The following NSD1 variants were observed in gnomAD, a reference collection of about 807,000 sequenced individuals.
NSD1 encodes nuclear receptor binding SET domain protein 1.
NSD1 carries 26 observed loss-of-function variants against 242.7 expected under a neutral mutation model. The observed-to-expected ratio is 0.11, with a 90% CI of 0.08 to 0.15. The LOEUF is 0.15. NSD1 is among the 10% of genes least tolerant of loss of function. NSD1 has a pLI of 1.00. For missense variants in NSD1, 2,495 were observed against 3,272.8 expected, an observed-to-expected ratio of 0.76 and a Z score of 5.80; for synonymous variants, 1,106 against 1,178.1, an observed-to-expected ratio of 0.94 and a Z score of 1.25.
chr5:177,217,913 C>T (rs113346075), intron 5 of NSD1, among the ~76,000 whole-genome samples: 6 of 151,654 alleles, frequency 4.0e-5, no homozygotes, highest in African/African-American at 1.5e-4. Context: ...TGTGATCTGC[C>T]CACCTCGGCC....
intron 13 of NSD1, 32 bp from the exon 14 acceptor site, chr5:177,259,957 T>C (rs1288816380): frequency 6.2e-7 from 1 of 1,613,666 alleles, no homozygotes; most frequent in Non-Finnish European, 8.5e-7. Flanking sequence ...TTTTTGTTTT[T>C]CTTTTGCTTG....
In NSD1 at chr5:177,296,972, C is replaced by T. The variant is rs1411971970; in HGVS notation, c.*1513C>T. 2.1e-5 allele frequency: 5 copies of T among 233,236 alleles called. No homozygotes were observed. Among genetic ancestry groups the T allele is most frequent in the Non-Finnish European group, 3.4e-5 (4 of 118,074 alleles). 14.4% of individuals were successfully genotyped at this position (233,236 alleles called of 1,614,324 possible). A position where few individuals can be genotyped will look rare whatever the true frequency, so the allele number is the denominator to read the frequency against. On this transcript the variant is annotated 3_prime_UTR_variant, in exon 23 of 23. Transcript: ENST00000439151. ...TTATCTCTTAGTTATGGCTTTCACG[C>T]TCTCAATAGGATTCTGTATTTGGTC... is the stretch of plus-strand genomic sequence containing the variant.
rs35298464 is a variant in NSD1, at chr5:177,182,151, C to CA, written c.928-9717dup. 5.8e-3 allele frequency among the ~76,000 whole-genome samples: 693 copies of CA among 119,376 alleles called. 4 individuals are homozygous for CA. Among genetic ancestry groups the CA allele is most frequent in the East Asian group, 0.032 (143 of 4,530 alleles). The allele number at this position is 119,376 out of a possible 152,430, so 78.3% of individuals were successfully genotyped here. A position where few individuals can be genotyped will look rare whatever the true frequency, so the allele number is the denominator to read the frequency against. On this transcript the variant is annotated intron_variant, in intron 2 of 22. Transcript: ENST00000439151. ...TGGGTGACAGAGTGAGACTCCGTCTCAAAAAAAAAAAAAAAATTAGCTGGT... is the reference window on the plus strand; with the variant it reads ...TGGGTGACAGAGTGAGACTCCGTCTCAAAAAAAAAAAAAAAAATTAGCTGGT...
At chr5:177,216,787 G>T (rs1353185721) in intron 5 of NSD1, among the ~76,000 whole-genome samples, 2 of 150,996 alleles carry the variant, frequency 1.3e-5, no homozygotes, top group Non-Finnish European at 2.9e-5. Flanking sequence ...CTCCCAAAAA[G>T]CGGGGATTAC....
chr5:177,288,053 A>T (rs1432943569), intron 20 of NSD1, among the ~76,000 whole-genome samples: 1 of 152,238 alleles, frequency 6.6e-6, no homozygotes, highest in African/African-American at 2.4e-5. Flanking sequence ...CAACCTCTTC[A>T]CATATTTATG....
intron 2 of NSD1, among the ~76,000 whole-genome samples, chr5:177,145,353 A>G (rs986933148): frequency 1.4e-5 from 2 of 147,174 alleles, no homozygotes; most frequent in Non-Finnish European, 3.0e-5. Context: ...ATCACAACTC[A>G]CTGCAGTTTA....
rs938323609 is a variant in NSD1, at chr5:177,299,517, C to G, written c.*4058C>G. 8.6e-6 allele frequency: 2 copies of G among 233,248 alleles called. No individual in the cohort carries two copies. The highest frequency in any genetic ancestry group is 1.1e-4 in the Admixed American group (2 of 17,782). The allele number at this position is 233,248 out of a possible 1,614,324, so 14.4% of individuals were successfully genotyped here. A position where few individuals can be genotyped will look rare whatever the true frequency, so the allele number is the denominator to read the frequency against. Reference sequence around the variant, plus strand: ...GCTCTGGTTGTTGGGTCTTCCTCAGCTCCCTTCTGCCCCTCTCTACCTCTT... The same window carrying G: ...GCTCTGGTTGTTGGGTCTTCCTCAGGTCCCTTCTGCCCCTCTCTACCTCTT... On this transcript the variant is annotated 3_prime_UTR_variant, in exon 23 of 23. Transcript: ENST00000439151.
intron 12 of NSD1, among the ~76,000 whole-genome samples, chr5:177,253,948 T>C (rs1581449090): frequency 6.6e-6 from 1 of 152,288 alleles, no homozygotes; most frequent in Non-Finnish European, 1.5e-5. Context: ...CATTTTCTTT[T>C]TTCGGTTTTT....
rs1236930390 is a variant in NSD1, at chr5:177,185,910, T to TTATATATATTTATATATATAAA, written c.928-5971_928-5950dup. ...TAATATATTTATATATTTTATATAATTATATATATTTATATATATAAATAA... is the reference window on the plus strand; with the variant it reads ...TAATATATTTATATATTTTATATAATTATATATATTTATATATATAAATATATATATTTATATATATAAATAA... On this transcript the variant is annotated intron_variant, in intron 2 of 22. Transcript: ENST00000439151. Among the ~76,000 whole-genome samples, 462 of 75,556 alleles carry TTATATATATTTATATATATAAA rather than the reference T, an allele frequency of 6.1e-3. 3 individuals are homozygous for TTATATATATTTATATATATAAA. Among genetic ancestry groups the TTATATATATTTATATATATAAA allele is most frequent in the African/African-American group, 0.029 (431 of 14,702 alleles). 49.6% of individuals were successfully genotyped at this position (75,556 alleles called of 152,430 possible).
intron 4 of NSD1, among the ~76,000 whole-genome samples, chr5:177,206,925 T>C (rs563305758): frequency 2.0e-5 from 3 of 151,862 alleles, no homozygotes; most frequent in Non-Finnish European, 4.4e-5. Flanking sequence ...GCTACTCCTC[T>C]AGTTACCCTA....
intron 2 of NSD1, among the ~76,000 whole-genome samples, chr5:177,163,491 G>A (rs577166260): frequency 1.4e-4 from 21 of 152,114 alleles, no homozygotes; most frequent in Non-Finnish European, 2.8e-4. Context: ...AAGAATGTAG[G>A]CTTTGGAGTT....
intron 5 of NSD1, among the ~76,000 whole-genome samples, chr5:177,218,290 T>A (rs1385958587): frequency 6.6e-6 from 1 of 152,110 alleles, no homozygotes; most frequent in Non-Finnish European, 1.5e-5. Flanking sequence ...TCAAGCAGTC[T>A]TCCCACCTTG....
chr5:177,189,968 A>AT (rs1353282938), intron 2 of NSD1, among the ~76,000 whole-genome samples: 59 of 152,008 alleles, frequency 3.9e-4, no homozygotes, highest in Admixed American at 1.2e-3. Context: ...GGTCCCTTAG[A>AT]TTTTTTTAAA....
At chr5:177,139,309 CA>C (rs1032461836) in intron 2 of NSD1, among the ~76,000 whole-genome samples, 3 of 148,192 alleles carry the variant, frequency 2.0e-5, no homozygotes. Context: ...ACTAAAAATA[CA>C]AAAATTAGCT....
intron 3 of NSD1, among the ~76,000 whole-genome samples, chr5:177,197,346 G>C (rs1762177839): frequency 6.6e-6 from 1 of 152,144 alleles, no homozygotes; most frequent in Non-Finnish European, 1.5e-5. Context: ...AAACAGGGCG[G>C]GTGCAGTGGC....
At chr5:177,156,653 T>G (rs1434337846) in intron 2 of NSD1, among the ~76,000 whole-genome samples, 2 of 152,166 alleles carry the variant, frequency 1.3e-5, no homozygotes, top group African/African-American at 2.4e-5. Context: ...CCCCTCTTCA[T>G]GAAAAACAAT....
chr5:177,144,653 C>G (rs533907892), intron 2 of NSD1, among the ~76,000 whole-genome samples: 1 of 152,008 alleles, frequency 6.6e-6, no homozygotes, highest in African/African-American at 2.4e-5. Context: ...TTCAGGGGAG[C>G]CCATTGAAAG....
chr5:177,259,841 C>T (rs1562269106), intron 13 of NSD1, 148 bp from the exon 14 acceptor site: 5 of 826,200 alleles, frequency 6.1e-6, no homozygotes, highest in Non-Finnish European at 9.6e-6. Flanking sequence ...CTTGATGGAT[C>T]GAGTGTTTAA....
At chr5:177,286,610 T>C (rs1278597023) in intron 20 of NSD1, among the ~76,000 whole-genome samples, 1 of 152,240 alleles carries the variant, frequency 6.6e-6, no homozygotes, top group Non-Finnish European at 1.5e-5. Flanking sequence ...CACACCTCTC[T>C]CATTCTTTTC....
Sources: gnomAD v4.1 joint callset for allele counts (sites outside exome capture counted in the v4.1 genomes callset) on GRCh38, gnomAD v4.1.1 for gene constraint, MANE v1.5 for transcripts, NCBI Gene and HGNC (gene_info 2026-07-23, HGNC 2026-07-21) for gene names.